The following PIK3R1 variants were observed in gnomAD, a reference collection of about 807,000 sequenced individuals.
PIK3R1 encodes the protein phosphoinositide-3-kinase regulatory subunit 1, also known as phosphatidylinositol 3-kinase regulatory subunit alpha.
A neutral mutation model predicts 98.0 loss-of-function variants in PIK3R1; 29 were observed. The ratio of observed to expected loss-of-function variants is 0.30; its 90% CI spans 0.22 to 0.40. The LOEUF (loss-of-function observed/expected upper bound fraction) is 0.40. Among genes scored for constraint, PIK3R1 ranks in the 10% least tolerant of loss-of-function variants. The probability of loss-of-function intolerance (pLI) is 1.00; values close to 1 mark genes in which losing one functional copy is unlikely to be tolerated. For synonymous variants in PIK3R1, 282 were observed against 311.8 expected (o/e 0.90, Z 1.01); for missense variants, 596 against 872.7 (o/e 0.68, Z 3.99).
intron 2 of PIK3R1, among the ~76,000 whole-genome samples, chr5:68,258,245 C>T (rs1745605752): frequency 6.6e-6 from 1 of 152,174 alleles, no homozygotes; most frequent in African/African-American, 2.4e-5. Flanking sequence ...GCCCAGAATG[C>T]ACTTTATATT....
chr5:68,229,607 G>C (rs1224812653), intron 2 of PIK3R1, among the ~76,000 whole-genome samples: 1 of 152,186 alleles, frequency 6.6e-6, no homozygotes, highest in Non-Finnish European at 1.5e-5. Context: ...AGGGTAGACA[G>C]AGGGTGCGAG....
At position 68,262,796 on chromosome 5, in the gene PIK3R1, CGTAGATACATGTATACATGTAGATACAT is replaced by C. The variant is rs1182925741; in HGVS notation, c.335-10519_335-10492del. ...GTAGATGCATGTAGATACATGTATA[CGTAGATACATGTATACATGTAGATACAT>C]GTAGATACATGTATACATGTAGATA... is the stretch of plus-strand genomic sequence containing the variant. On this transcript the variant is annotated intron_variant, in intron 2 of 15. Coordinates refer to ENST00000521381, the MANE Select transcript of PIK3R1 (RefSeq NM_181523.3). 8.0e-3 allele frequency among the ~76,000 whole-genome samples: 147 copies of C among 18,470 alleles called. 12 individuals carry two copies. The highest frequency in any genetic ancestry group is 0.045 in the Middle Eastern group (1 of 22). The allele number at this position is 18,470 out of a possible 152,430, so 12.1% of individuals were successfully genotyped here.
At chr5:68,288,366 C>T (rs1747169194) in intron 7 of PIK3R1, 1 of 1,056,106 alleles carries the variant, frequency 9.5e-7, no homozygotes, top group Non-Finnish European at 1.2e-6. Flanking sequence ...CATGAAGCTG[C>T]GATCTTTATC....
intron 12 of PIK3R1, 49 bp from the exon 13 acceptor site, chr5:68,295,099 C>T (rs775473465): frequency 9.5e-6 from 14 of 1,473,280 alleles, no homozygotes; most frequent in Admixed American, 7.8e-5. Context: ...CTTTGGGGAC[C>T]GTTCCTGATG....
intron 2 of PIK3R1, among the ~76,000 whole-genome samples, chr5:68,237,595 G>T: frequency 7.4e-6 from 1 of 135,934 alleles, no homozygotes; most frequent in Admixed American, 7.4e-5. Flanking sequence ...TTTTCCCATT[G>T]AAAAAAAAAA....
rs184323412 is a variant in PIK3R1 at position 68,236,293 on chromosome 5, G to A, written c.334+9284G>A. 5.6e-3 allele frequency among the ~76,000 whole-genome samples: 832 copies of A among 149,578 alleles called. 10 individuals carry two copies. Among genetic ancestry groups the A allele is most frequent in the African/African-American group, 0.019 (772 of 40,646 alleles). ...GAGATGGAGTCTCGCTCTGTCGCCC[G>A]GGCTGGAGAGCAGTGGCACGATCTC... On this transcript the variant is annotated intron_variant, in intron 2 of 15. Coordinates refer to ENST00000521381, the MANE Select transcript of PIK3R1 (RefSeq NM_181523.3).
rs185761672 is a variant in PIK3R1 at position 68,262,223 on chromosome 5, C to T, written c.335-11167C>T. On this transcript the variant is annotated intron_variant, in intron 2 of 15. Transcript: ENST00000521381. ...GAGGGAAGCTTTTAGTTTGCCCCTT[C>T]CTTTCACCAGTTAGCTGTAGTCTAT... 2.6e-5 allele frequency among the ~76,000 whole-genome samples: 4 copies of T among 151,870 alleles called. No homozygotes were observed. The East Asian group carries it at 5.8e-4, about 22-fold the overall frequency.
At chr5:68,292,515 T>G in intron 8 of PIK3R1, 154 bp downstream of exon 8, 3 of 1,514,650 alleles carry the variant, frequency 2.0e-6, no homozygotes, top group South Asian at 2.4e-5. Flanking sequence ...CACTGAGCAC[T>G]GGAGAACTGT....
rs1254033606 is a variant in PIK3R1, at chr5:68,262,972, TATACATGTAG to T, written c.335-10398_335-10389del. ...ATACATGTAGATACATGTATACATA[TATACATGTAG>T]ATACATGTAGATACATGTATACATA... On this transcript the variant is annotated intron_variant, in intron 2 of 15. Coordinates refer to ENST00000521381, the MANE Select transcript of PIK3R1 (RefSeq NM_181523.3). 2.5e-3 allele frequency among the ~76,000 whole-genome samples: 64 copies of T among 26,114 alleles called. 4 individuals are homozygous for T. Among genetic ancestry groups the T allele is most frequent in the African/African-American group, 4.2e-3 (18 of 4,248 alleles). The allele number at this position is 26,114 out of a possible 152,430, so 17.1% of individuals were successfully genotyped here.
intron 7 of PIK3R1, among the ~76,000 whole-genome samples, chr5:68,281,995 G>A (rs530318837): frequency 4.6e-4 from 70 of 152,304 alleles, no homozygotes; most frequent in African/African-American, 1.5e-3. Flanking sequence ...GTAGGATAGA[G>A]GATAGGGTAG....
At position 68,263,764 on chromosome 5, in the gene PIK3R1, C is replaced by A. The variant is rs371853429; in HGVS notation, c.335-9626C>A. On this transcript the variant is annotated intron_variant, in intron 2 of 15. Transcript: ENST00000521381. ...TATTTTCTTATGCATTTCTTCTGCA[C>A]CAGCTGATAGGGAATTTTCTGTACA... 7.9e-5 allele frequency among the ~76,000 whole-genome samples: 12 copies of A among 152,242 alleles called. No individual in the cohort carries two copies. In the East Asian group the frequency reaches 2.1e-3, roughly 27 times the overall value.
Position 68,297,565 on chromosome 5 carries a change from A to G in PIK3R1, c.2139A>G (p.Thr713=), listed in dbSNP as rs1454328791. The change falls in exon 16 of 16, where the codon ACA becomes ACG. Residue 713 remains threonine, a synonymous_variant. Coordinates refer to ENST00000521381, the MANE Select transcript of PIK3R1 (RefSeq NM_181523.3). ...LVQHNDSLNV[T]LAYPVYAQQR... ...AGCACAACGACTCCCTCAATGTCAC[A>G]CTAGCCTACCCAGTATATGCACAGC... is the stretch of plus-strand genomic sequence containing the variant. The G allele has an allele frequency of 6.2e-7, 1 of 1,614,064 alleles. No individual in the cohort carries two copies. Among genetic ancestry groups the G allele is most frequent in the Non-Finnish European group, 8.5e-7 (1 of 1,180,026 alleles).
chr5:68,216,445 C>T (rs1474530733), intron 1 of PIK3R1, among the ~76,000 whole-genome samples: 2 of 152,126 alleles, frequency 1.3e-5, no homozygotes, highest in East Asian at 1.9e-4. Flanking sequence ...GGGCCCTTCC[C>T]GGGGCGGGCG....
At chr5:68,275,045 A>G (rs1479243066) in intron 4 of PIK3R1, among the ~76,000 whole-genome samples, 1 of 152,232 alleles carries the variant, frequency 6.6e-6, no homozygotes, top group Non-Finnish European at 1.5e-5. Context: ...AGACTTTTAG[A>G]AAAGAGGTTT....
At chr5:68,256,847 A>G (rs562673587) in intron 2 of PIK3R1, among the ~76,000 whole-genome samples, 6 of 152,168 alleles carry the variant, frequency 3.9e-5, no homozygotes, top group East Asian at 3.9e-4. Context: ...CCCTAGCCCT[A>G]TTGAAGAAGG....
At chr5:68,279,364 A>G (rs1746720820) in intron 4 of PIK3R1, among the ~76,000 whole-genome samples, 2 of 152,068 alleles carry the variant, frequency 1.3e-5, no homozygotes. Flanking sequence ...CAGGCATCCT[A>G]AGTGCTTGCA....
At chr5:68,275,410 T>G (rs560932695) in intron 4 of PIK3R1, among the ~76,000 whole-genome samples, 1 of 152,212 alleles carries the variant, frequency 6.6e-6, no homozygotes, top group South Asian at 2.1e-4. Flanking sequence ...ATGAACACGT[T>G]TAGTCACAGG....
intron 2 of PIK3R1, 109 bp from the exon 3 acceptor site, chr5:68,273,281 C>T: frequency 9.9e-7 from 1 of 1,014,852 alleles, no homozygotes; most frequent in Non-Finnish European, 1.6e-6. Flanking sequence ...AGCAGGGGTT[C>T]TTCTTGCTCG....
intron 7 of PIK3R1, among the ~76,000 whole-genome samples, chr5:68,281,330 C>T (rs1746827405): frequency 6.6e-6 from 1 of 152,092 alleles, no homozygotes; most frequent in African/African-American, 2.4e-5. Context: ...TTTTGTTTTT[C>T]TTTCTAATAC....
Sources: gnomAD v4.1 joint callset for allele counts (sites outside exome capture counted in the v4.1 genomes callset) on GRCh38, gnomAD v4.1.1 for gene constraint, MANE v1.5 for transcripts, NCBI Gene and HGNC (gene_info 2026-07-23, HGNC 2026-07-21) for gene names.